The following BICRAL variants were observed in gnomAD, a reference collection of about 807,000 sequenced individuals.
The protein encoded by BICRAL is BICRA like chromatin remodeling complex associated protein, also known as BRD4-interacting chromatin-remodeling complex-associated protein-like.
In BICRAL, 8 loss-of-function variants were observed where a neutral mutation model predicts 91.8. The ratio of observed to expected loss-of-function variants is 0.09; its 90% CI spans 0.05 to 0.16. BICRAL has a LOEUF of 0.16. Among genes scored for constraint, BICRAL ranks in the 10% least tolerant of loss-of-function variants. The probability of loss-of-function intolerance (pLI) is 1.00; values close to 1 mark genes in which losing one functional copy is unlikely to be tolerated. For missense variants in BICRAL, 1,038 were observed against 1,310.9 expected, an observed-to-expected ratio of 0.79 and a Z score of 3.21; for synonymous variants, 445 against 491.1, an observed-to-expected ratio of 0.91 and a Z score of 1.24.
rs34443955 is a variant in BICRAL at position 42,774,830 on chromosome 6, GTT to G, written c.-260-6999_-260-6998del. On this transcript the variant is annotated intron_variant, in intron 1 of 14. Coordinates refer to the BICRAL transcript ENST00000614467. ...GTCACACAGTGTCTCCACTCCCGTA[GTT>G]TTTTTTTTTCTTTATTGTCAAGGAT... Among the ~76,000 whole-genome samples the G allele has an allele frequency of 7.4e-5, 11 of 149,582 alleles. No individual in the cohort carries two copies. In the South Asian group the frequency reaches 8.4e-4, roughly 11 times the overall value.
At chr6:42,812,124 A>G (rs1406437387) in intron 2 of BICRAL, among the ~76,000 whole-genome samples, 1 of 152,184 alleles carries the variant, frequency 6.6e-6, no homozygotes, top group Admixed American at 6.5e-5. Flanking sequence ...AAATCAATCA[A>G]TAGAAAGAGA....
chr6:42,856,227 G>T (rs1414706804), intron 9 of BICRAL, among the ~76,000 whole-genome samples: 4 of 151,918 alleles, frequency 2.6e-5, no homozygotes, highest in Admixed American at 2.6e-4. Context: ...TGAGGTGGGA[G>T]GATAGCTTGA....
In BICRAL at chr6:42,748,704, G is replaced by T. The variant is rs562824825; in HGVS notation, c.-261+1681G>T. Reference sequence around the variant, plus strand: ...GGGGTCAGTGAGTGATACGGTCATTGTGAAGCATTGGCTGGACAGTTCTTT... The same window carrying T: ...GGGGTCAGTGAGTGATACGGTCATTTTGAAGCATTGGCTGGACAGTTCTTT... On this transcript the variant is annotated intron_variant, in intron 1 of 14. Coordinates refer to the BICRAL transcript ENST00000614467. 5.3e-5 allele frequency among the ~76,000 whole-genome samples: 8 copies of T among 152,344 alleles called. No individual in the cohort carries two copies. The South Asian group carries it at 1.2e-3, about 24-fold the overall frequency.
At chr6:42,822,644 A>T (rs1024393009) in intron 3 of BICRAL, 152 bp from the exon 4 acceptor site, 10 of 227,582 alleles carry the variant, frequency 4.4e-5, no homozygotes, top group African/African-American at 9.9e-5. Flanking sequence ...AAACAAGATT[A>T]AAAAAAAAAA....
At chr6:42,809,111 C>A (rs530161890) in intron 1 of BICRAL, among the ~76,000 whole-genome samples, 51 of 151,754 alleles carry the variant, frequency 3.4e-4, no homozygotes, top group Admixed American at 7.9e-4. Flanking sequence ...GGCACCCCCC[C>A]CAACAGGCCC....
rs1328305727 is a variant in BICRAL at position 42,866,806 on chromosome 6, G to A, written c.*1360G>A. On this transcript the variant is annotated 3_prime_UTR_variant, in exon 13 of 13. Coordinates refer to ENST00000314073, the MANE Select transcript of BICRAL (RefSeq NM_001393499.1). ...CTCCGTTTTCCTTTCTCGTATACCT[G>A]CCCCAGGTTATCCCATTTCTGTTGT... 6.6e-6 allele frequency: 3 copies of A among 456,394 alleles called. No individual in the cohort carries two copies. Among genetic ancestry groups the A allele is most frequent in the South Asian group, 3.1e-5 (2 of 64,558 alleles). The allele number at this position is 456,394 out of a possible 1,614,324, so 28.3% of individuals were successfully genotyped here.
At chr6:42,822,416 GTT>G (rs557170460) in intron 3 of BICRAL, among the ~76,000 whole-genome samples, 2 of 137,242 alleles carry the variant, frequency 1.5e-5, no homozygotes, top group Admixed American at 7.3e-5. Context: ...AATTTTTTGT[GTT>G]TTTTTTTTTT....
At chr6:42,807,231 T>C (rs900936716) in intron 1 of BICRAL, among the ~76,000 whole-genome samples, 2 of 151,998 alleles carry the variant, frequency 1.3e-5, no homozygotes. Context: ...TCACCGAGGC[T>C]GGGGTGCAGT....
chr6:42,829,355 G>C lies in BICRAL; in HGVS notation c.1022G>C (p.Gly341Ala), dbSNP rs764949266. 34 of 1,614,034 alleles carry C rather than the reference G, an allele frequency of 2.1e-5. No homozygotes were observed. In the Admixed American group the frequency reaches 2.5e-4, roughly 12 times the overall value. Residue 341 changes from glycine to alanine, a missense_variant, in exon 6 of 13, where the codon GGG becomes GCG. By Grantham distance (60) the Gly-to-Ala change is moderately conservative. Around this residue, in one of 5 missense-constraint regions of BICRAL, gnomAD observed 532 missense variants for 724.9 expected, o/e 0.73. Coordinates refer to ENST00000314073, the MANE Select transcript of BICRAL (RefSeq NM_001393499.1). Reference protein sequence around the residue: ...LGIQQHHVQQGISFASASSPQ... With the variant: ...LGIQQHHVQQAISFASASSPQ... The stretch of plus-strand genomic sequence containing the variant: ...ATTCAGCAGCACCACGTACAACAAG[G>C]GATCTCTTTTGCTTCTGCAAGCTCA...
chr6:42,794,521 G>C (rs1409149678), intron 1 of BICRAL, among the ~76,000 whole-genome samples: 25 of 151,538 alleles, frequency 1.6e-4, no homozygotes. Flanking sequence ...CTGCCAAGTA[G>C]TTGAGACTAC....
upstream of BICRAL, among the ~76,000 whole-genome samples, chr6:42,779,082 T>G (rs1762843492): frequency 6.6e-6 from 1 of 152,064 alleles, no homozygotes; most frequent in Non-Finnish European, 1.5e-5. Flanking sequence ...CTGAGTGTGC[T>G]GGTGTGCACT....
intron 1 of BICRAL, among the ~76,000 whole-genome samples, chr6:42,768,817 C>G (rs957067352): frequency 6.6e-6 from 1 of 152,196 alleles, no homozygotes; most frequent in African/African-American, 2.4e-5. Context: ...CTGCTCCTCA[C>G]AGCTGACCCA....
intron 6 of BICRAL, among the ~76,000 whole-genome samples, chr6:42,845,195 G>GTTTTTTTT (rs748804344): frequency 7.8e-5 from 2 of 25,606 alleles, no homozygotes; most frequent in South Asian, 1.8e-3. Context: ...TTTTTTGGGT[G>GTTTTTTTT]TTTTTTTTTT....
intron 1 of BICRAL, among the ~76,000 whole-genome samples, chr6:42,790,969 C>T (rs1337575168): frequency 2.0e-5 from 3 of 151,918 alleles, no homozygotes; most frequent in Non-Finnish European, 4.4e-5. Flanking sequence ...AAGGAAAGCC[C>T]TGAGGTGGAA....
intron 6 of BICRAL, among the ~76,000 whole-genome samples, chr6:42,839,679 G>A (rs935296909): frequency 1.3e-5 from 2 of 152,068 alleles, no homozygotes; most frequent in African/African-American, 2.4e-5. Flanking sequence ...AAGAGATCAT[G>A]TATTCTTTCT....
rs1443197409 is a variant in BICRAL, at chr6:42,865,482, C to G, written c.*36C>G. 4.2e-6 allele frequency: 5 copies of G among 1,203,142 alleles called. No homozygotes were observed. The highest frequency in any genetic ancestry group is 6.0e-6 in the Non-Finnish European group (5 of 838,938). The allele number at this position is 1,203,142 out of a possible 1,614,324, so 74.5% of individuals were successfully genotyped here. Reference sequence around the variant, plus strand: ...CCTCCCCCTACCCCGCCCCGAGACCCCACCCCGAGACCCCACCCCGGACCA... The same window carrying G: ...CCTCCCCCTACCCCGCCCCGAGACCGCACCCCGAGACCCCACCCCGGACCA... On this transcript the variant is annotated 3_prime_UTR_variant, in exon 13 of 13. Transcript: ENST00000314073.
chr6:42,848,533 A>T (rs1765088437), intron 6 of BICRAL, among the ~76,000 whole-genome samples: 1 of 152,246 alleles, frequency 6.6e-6, no homozygotes, highest in Admixed American at 6.5e-5. Context: ...AAATGTATAA[A>T]ACATAAATGT....
chr6:42,818,085 G>T (rs1046479912), intron 2 of BICRAL, among the ~76,000 whole-genome samples: 1 of 151,824 alleles, frequency 6.6e-6, no homozygotes, highest in Non-Finnish European at 1.5e-5. Flanking sequence ...TTGCTAAATT[G>T]CCCTCACTAG....
intron 9 of BICRAL, 100 bp from the exon 10 acceptor site, chr6:42,856,991 T>G: frequency 1.0e-6 from 1 of 1,002,024 alleles, no homozygotes; most frequent in Non-Finnish European, 1.5e-6. Context: ...ACTGCCGTAT[T>G]ATTCCTATAT....
Sources: gnomAD v4.1 joint callset for allele counts (sites outside exome capture counted in the v4.1 genomes callset) on GRCh38, gnomAD v4.1.1 for gene constraint, gnomAD v4.1.1 regional missense constraint, MANE v1.5 for transcripts, NCBI Gene and HGNC (gene_info 2026-07-23, HGNC 2026-07-21) for gene names.